The following MAP7 variants were observed in gnomAD, a reference collection of about 807,000 sequenced individuals.
MAP7 encodes the protein ensconsin.
MAP7 carries 52 observed loss-of-function variants against 94.8 expected under a neutral mutation model. That is an observed-to-expected ratio of 0.55 (90% CI 0.44 to 0.69). The LOEUF is 0.69. MAP7 is among the 30% of genes least tolerant of loss of function. The pLI, the probability that MAP7 is intolerant of heterozygous loss-of-function variation, is 0.00. For missense variants in MAP7, 940 were observed against 964.6 expected, an observed-to-expected ratio of 0.97 and a Z score of 0.34; for synonymous variants, 350 against 357.0, an observed-to-expected ratio of 0.98 and a Z score of 0.22.
At chr6:136,479,227 C>T (rs759936289) in intron 1 of MAP7, among the ~76,000 whole-genome samples, 9 of 151,990 alleles carry the variant, frequency 5.9e-5, no homozygotes, top group African/African-American at 9.7e-5. Context: ...GCAAACTCAA[C>T]GTGATACATC....
At chr6:136,427,517 C>T (rs779482439) in intron 1 of MAP7, among the ~76,000 whole-genome samples, 10 of 152,180 alleles carry the variant, frequency 6.6e-5, no homozygotes, top group Non-Finnish European at 1.3e-4. Context: ...CCAGAATAAA[C>T]CCATTTCATG....
Position 136,550,360 on chromosome 6 carries a change from CGCCGTCGCCGCCCCTGTG to C in MAP7, c.31_48del (p.His11_Gly16del), listed in dbSNP as rs753463854. 7.4e-5 allele frequency: 113 copies of C among 1,529,188 alleles called. No individual in the cohort carries two copies. Among genetic ancestry groups the C allele is most frequent in the South Asian group, 4.0e-4 (33 of 83,408 alleles). 94.7% of individuals were successfully genotyped at this position (1,529,188 alleles called of 1,614,324 possible). A position where few individuals can be genotyped will look rare whatever the true frequency, so the allele number is the denominator to read the frequency against. ...CGGTCACCTGTTTCGCTTCGCACTG[CGCCGTCGCCGCCCCTGTG>C]GCCGTCGCCGCCAGCTCCTAGCTCC... is the stretch of plus-strand genomic sequence containing the variant. On this transcript the variant is annotated inframe_deletion, in exon 1 of 18. Transcript: ENST00000354570. The surrounding 1 kb of genome is among the most constrained non-coding windows in gnomAD (Gnocchi z 5.1).
At chr6:136,511,650 T>G (rs997637949) in intron 1 of MAP7, among the ~76,000 whole-genome samples, 5 of 152,210 alleles carry the variant, frequency 3.3e-5, no homozygotes, top group Admixed American at 2.6e-4. Context: ...TCCAGTTCAC[T>G]TTCCACGATA....
At chr6:136,348,628 A>C (rs547348722) in intron 16 of MAP7, among the ~76,000 whole-genome samples, 1 of 152,336 alleles carries the variant, frequency 6.6e-6, no homozygotes, top group Non-Finnish European at 1.5e-5. Flanking sequence ...AAGAATCTGC[A>C]GTCCACACAG....
chr6:136,505,633 C>T (rs903768316), intron 1 of MAP7, among the ~76,000 whole-genome samples: 2 of 151,906 alleles, frequency 1.3e-5, no homozygotes, highest in African/African-American at 4.8e-5. Context: ...ACAGCAGACA[C>T]TGGGGCCTAC....
chr6:136,438,383 C>T (rs1796938554), intron 1 of MAP7, among the ~76,000 whole-genome samples: 2 of 152,158 alleles, frequency 1.3e-5, no homozygotes, highest in African/African-American at 4.8e-5. Context: ...TGGTTCGACT[C>T]CAGAATTTGC....
Position 136,354,391 on chromosome 6 carries a change from GATAT to G in MAP7, c.2015+2297_2015+2300del, listed in dbSNP as rs201414594. Among the ~76,000 whole-genome samples the G allele has an allele frequency of 9.4e-5, 13 of 138,244 alleles. 1 individual carries two copies. Among genetic ancestry groups the G allele is most frequent in the Admixed American group, 3.0e-4 (4 of 13,484 alleles). The allele number at this position is 138,244 out of a possible 152,430, so 90.7% of individuals were successfully genotyped here. ...GATATATATAAAAATATATATAGTA[GATAT>G]ATATATATAGTAGATATATATAAAA... On this transcript the variant is annotated intron_variant, in intron 16 of 17. Coordinates refer to ENST00000354570, the MANE Select transcript of MAP7 (RefSeq NM_003980.6).
At chr6:136,494,770 A>T (rs1214304304) in intron 1 of MAP7, among the ~76,000 whole-genome samples, 1 of 152,204 alleles carries the variant, frequency 6.6e-6, no homozygotes, top group Non-Finnish European at 1.5e-5. Flanking sequence ...TCTCTCCTTA[A>T]GAAGGGGCCT....
At chr6:136,496,416 T>C (rs567988102) in intron 1 of MAP7, among the ~76,000 whole-genome samples, 1 of 151,266 alleles carries the variant, frequency 6.6e-6, no homozygotes, top group South Asian at 2.1e-4. Context: ...CAACAAACAA[T>C]GGGGAAAAAG....
At chr6:136,397,841 A>AC (rs575950233) in intron 3 of MAP7, among the ~76,000 whole-genome samples, 3 of 152,170 alleles carry the variant, frequency 2.0e-5, no homozygotes, top group Non-Finnish European at 4.4e-5. Flanking sequence ...ATTAACAACC[A>AC]CTTAATTTCA....
chr6:136,376,223 A>G (rs1250150763), intron 7 of MAP7, among the ~76,000 whole-genome samples: 1 of 151,714 alleles, frequency 6.6e-6, no homozygotes, highest in Non-Finnish European at 1.5e-5. Flanking sequence ...CTCAGCCTCC[A>G]CAGTAGCTGG....
chr6:136,461,728 T>C (rs1187083001), intron 1 of MAP7, among the ~76,000 whole-genome samples: 1 of 152,160 alleles, frequency 6.6e-6, no homozygotes, highest in Non-Finnish European at 1.5e-5. Flanking sequence ...CTGTTTGGGG[T>C]ATTTTGAAGA....
At chr6:136,539,995 G>A (rs963313553) in intron 1 of MAP7, among the ~76,000 whole-genome samples, 3 of 152,116 alleles carry the variant, frequency 2.0e-5, no homozygotes, top group Non-Finnish European at 2.9e-5. Flanking sequence ...AAAACCAGAA[G>A]TGCCTGTAGA....
chr6:136,397,817 T>A (rs1464577035), intron 3 of MAP7, among the ~76,000 whole-genome samples: 1 of 152,128 alleles, frequency 6.6e-6, no homozygotes, highest in African/African-American at 2.4e-5. Context: ...TACAACTCAT[T>A]CAGTATTTAA....
intron 1 of MAP7, among the ~76,000 whole-genome samples, chr6:136,506,928 C>A (rs1821694659): frequency 6.6e-6 from 1 of 152,184 alleles, no homozygotes; most frequent in African/African-American, 2.4e-5. Context: ...AGGCAAACAC[C>A]AAGCTGTAAC....
Position 136,525,746 on chromosome 6 carries a change from C to G in MAP7, c.67+24596G>C, listed in dbSNP as rs1827637109. ...AAGCACTCCCTGGAGCATGCACGAGCAGCACAGTTTATAAAACGTTCTATA... is the reference window on the plus strand; with the variant it reads ...AAGCACTCCCTGGAGCATGCACGAGGAGCACAGTTTATAAAACGTTCTATA... On this transcript the variant is annotated intron_variant, in intron 1 of 17. Transcript: ENST00000354570. The G allele has an allele frequency of 3.6e-6, 5 of 1,399,762 alleles. No individual in the cohort carries two copies. In the Admixed American group the frequency reaches 9.7e-5, roughly 27 times the overall value. 86.7% of individuals were successfully genotyped at this position (1,399,762 alleles called of 1,614,324 possible). A position where few individuals can be genotyped will look rare whatever the true frequency, so the allele number is the denominator to read the frequency against.
intron 3 of MAP7, 116 bp from the exon 4 acceptor site, chr6:136,389,633 G>T: frequency 2.3e-6 from 2 of 884,202 alleles, no homozygotes; most frequent in Non-Finnish European, 3.5e-6. Context: ...GGGTTCTTTA[G>T]TTTTGTATTA....
intron 1 of MAP7, among the ~76,000 whole-genome samples, chr6:136,541,379 G>A (rs1251898950): frequency 6.6e-6 from 1 of 152,152 alleles, no homozygotes; most frequent in Non-Finnish European, 1.5e-5. Context: ...TATACTCAGA[G>A]GTTATGCCAT....
chr6:136,372,631 C>A lies in MAP7; in HGVS notation c.752-6G>T. 6.2e-7 allele frequency: 1 copy of A among 1,614,024 alleles called. No homozygotes were observed. Among genetic ancestry groups the A allele is most frequent in the South Asian group, 1.1e-5 (1 of 91,074 alleles). ...GATGATGGGGCTGCAAGATGCTGAA[C>A]GAGGACAAATGGGGATAACTAGGGT... On this transcript the variant is annotated splice_polypyrimidine_tract_variant and splice_region_variant and intron_variant, in intron 7 of 17. Coordinates refer to ENST00000354570, the MANE Select transcript of MAP7 (RefSeq NM_003980.6).
Sources: gnomAD v4.1 joint callset for allele counts (sites outside exome capture counted in the v4.1 genomes callset) on GRCh38, gnomAD v4.1.1 for gene constraint, Gnocchi (gnomAD v3.1) non-coding constraint, MANE v1.5 for transcripts, NCBI Gene and HGNC (gene_info 2026-07-23, HGNC 2026-07-21) for gene names.